Variants in SNX29 observed in about 807,000 individuals in gnomAD.
The protein encoded by SNX29 is sorting nexin 29.
In SNX29, 78 loss-of-function variants were observed where a neutral mutation model predicts 102.1. The ratio of observed to expected loss-of-function variants is 0.76; its 90% CI spans 0.64 to 0.92. SNX29 has a LOEUF of 0.92. Among genes scored for constraint, SNX29 ranks in the 40% least tolerant of loss-of-function variants. The pLI is 0.00. For synonymous variants in SNX29, 580 were observed against 414.5 expected, an observed-to-expected ratio of 1.40 and a Z score of -4.85; for missense variants, 1,280 against 1,061.7, an observed-to-expected ratio of 1.21 and a Z score of -2.86.
intron 1 of SNX29, among the ~76,000 whole-genome samples, chr16:11,989,424 T>C (rs1596536088): frequency 6.6e-6 from 1 of 152,216 alleles, no homozygotes; most frequent in East Asian, 1.9e-4. Flanking sequence ...GTCTGTCCTT[T>C]TGTCCTGGGC....
intron 18 of SNX29, among the ~76,000 whole-genome samples, chr16:12,413,001 C>T (rs554844241): frequency 1.7e-4 from 26 of 152,168 alleles, no homozygotes; most frequent in Non-Finnish European, 3.7e-4. Context: ...GAGAGCTACC[C>T]AGTGTGTTTA....
rs1484251974 is a variant in SNX29, at chr16:12,570,174, G to A, written c.*1545G>A. On this transcript the variant is annotated 3_prime_UTR_variant, in exon 21 of 21. Transcript: ENST00000566228. ...ACACACAGCGCCCCCCCACCCCAGA[G>A]AAACCGAGTCAGCCTACATGACTTC... 4 of 1,065,298 alleles carry A rather than the reference G, an allele frequency of 3.8e-6. No homozygotes were observed. The South Asian group carries it at 1.4e-4, about 36-fold the overall frequency. 66.0% of individuals were successfully genotyped at this position (1,065,298 alleles called of 1,614,324 possible). A position where few individuals can be genotyped will look rare whatever the true frequency, so the allele number is the denominator to read the frequency against.
intron 18 of SNX29, among the ~76,000 whole-genome samples, chr16:12,467,106 C>G (rs145922208): frequency 6.6e-6 from 1 of 152,144 alleles, no homozygotes; most frequent in South Asian, 2.1e-4. Flanking sequence ...GGCTTCAGTC[C>G]TTGTTTCACT....
chr16:12,371,802 T>C (rs764831290), intron 16 of SNX29, among the ~76,000 whole-genome samples: 23 of 152,238 alleles, frequency 1.5e-4, no homozygotes, highest in Non-Finnish European at 2.9e-4. Flanking sequence ...TTAAAAATAA[T>C]ATGGCAGATG....
Position 12,512,385 on chromosome 16 carries a change from T to G in SNX29, c.2179-12317T>G, listed in dbSNP as rs1205350864. On this transcript the variant is annotated intron_variant, in intron 19 of 20. Coordinates refer to ENST00000566228, the MANE Select transcript of SNX29 (RefSeq NM_032167.5). ...CCCAGGGAAAATATATATATATATA[T>G]ATATATATATATATATATATATATA... is the stretch of plus-strand genomic sequence containing the variant. Among the ~76,000 whole-genome samples, 5 of 84,160 alleles carry G rather than the reference T, an allele frequency of 5.9e-5. 1 individual carries two copies. The highest frequency in any genetic ancestry group is 6.7e-5 in the African/African-American group (1 of 14,918). 55.2% of individuals were successfully genotyped at this position (84,160 alleles called of 152,430 possible).
At chr16:12,558,812 C>G (rs1027153280) in intron 20 of SNX29, among the ~76,000 whole-genome samples, 1 of 152,180 alleles carries the variant, frequency 6.6e-6, no homozygotes, top group Non-Finnish European at 1.5e-5. Context: ...GATAAGGGCT[C>G]CCTAGGGGCA....
At chr16:12,537,637 ATAT>A (rs200690970) in intron 20 of SNX29, among the ~76,000 whole-genome samples, 2,561 of 152,292 alleles carry the variant, frequency 0.017, 37 homozygotes, top group Middle Eastern at 0.041. Context: ...GGCAGCTTAG[ATAT>A]TATTACAGTT....
At chr16:12,131,359 T>A (rs1012477885) in intron 13 of SNX29, among the ~76,000 whole-genome samples, 4 of 152,266 alleles carry the variant, frequency 2.6e-5, no homozygotes, top group Non-Finnish European at 4.4e-5. Flanking sequence ...CCAACTTACA[T>A]GCATCTTTAC....
chr16:12,061,979 G>A (rs751545313), intron 9 of SNX29, among the ~76,000 whole-genome samples: 2 of 152,140 alleles, frequency 1.3e-5, no homozygotes, highest in Non-Finnish European at 2.9e-5. Context: ...TAGTGACCAC[G>A]ATTTTGCCTC....
intron 14 of SNX29, among the ~76,000 whole-genome samples, chr16:12,217,762 C>G (rs1378172779): frequency 6.6e-6 from 1 of 152,198 alleles, no homozygotes; most frequent in Non-Finnish European, 1.5e-5. Context: ...GAATTTCATT[C>G]AACTGGAATT....
At position 12,572,237 on chromosome 16, in the gene SNX29, C is replaced by A; in HGVS notation, c.*3608C>A. On this transcript the variant is annotated 3_prime_UTR_variant, in exon 21 of 21. Transcript: ENST00000566228. ...ACCAGAGGCTCCTGAAAGTCGTTTA[C>A]ACCAGGTGGATTGATACCATGGCTG... 9.6e-7 allele frequency: 1 copy of A among 1,038,404 alleles called. No individual in the cohort carries two copies. The highest frequency in any genetic ancestry group is 1.2e-6 in the Non-Finnish European group (1 of 855,436). 64.3% of individuals were successfully genotyped at this position (1,038,404 alleles called of 1,614,324 possible). A position where few individuals can be genotyped will look rare whatever the true frequency, so the allele number is the denominator to read the frequency against.
chr16:12,268,565 A>G (rs990601836), intron 14 of SNX29, among the ~76,000 whole-genome samples: 3 of 152,132 alleles, frequency 2.0e-5, no homozygotes, highest in African/African-American at 4.8e-5. Context: ...CATCATTGGC[A>G]TCTCACCTGG....
At chr16:12,230,915 C>T (rs1188178319) in intron 14 of SNX29, among the ~76,000 whole-genome samples, 2 of 152,104 alleles carry the variant, frequency 1.3e-5, no homozygotes, top group Non-Finnish European at 2.9e-5. Context: ...GCCATGATCT[C>T]GGCTCACTGC....
At chr16:12,306,431 G>T (rs1465774685) in intron 15 of SNX29, among the ~76,000 whole-genome samples, 1 of 151,904 alleles carries the variant, frequency 6.6e-6, no homozygotes, top group African/African-American at 2.4e-5. Context: ...ATAAAACGAG[G>T]TCTGTTTAAA....
At chr16:12,541,863 A>C (rs573829576) in intron 20 of SNX29, among the ~76,000 whole-genome samples, 2 of 152,248 alleles carry the variant, frequency 1.3e-5, no homozygotes, top group Admixed American at 6.5e-5. Context: ...ATGCCTGGAA[A>C]CCAGTCAATG....
At chr16:12,291,380 G>A (rs532785852) in intron 15 of SNX29, among the ~76,000 whole-genome samples, 3 of 152,256 alleles carry the variant, frequency 2.0e-5, no homozygotes, top group African/African-American at 7.2e-5. Flanking sequence ...GTCAGATCTC[G>A]TGAGACTTGC....
chr16:12,565,996 C>T (rs950660685), intron 20 of SNX29, among the ~76,000 whole-genome samples: 2 of 152,276 alleles, frequency 1.3e-5, no homozygotes, highest in East Asian at 1.9e-4. Context: ...ACTTCTGCAC[C>T]CCTTCATGCC....
chr16:12,337,786 C>G (rs1450358311), intron 15 of SNX29, among the ~76,000 whole-genome samples: 1 of 152,132 alleles, frequency 6.6e-6, no homozygotes, highest in Non-Finnish European at 1.5e-5. Flanking sequence ...ATGGAGAAAC[C>G]CTGAGATTTT....
intron 8 of SNX29, among the ~76,000 whole-genome samples, chr16:12,061,002 G>C (rs1231195542): frequency 6.6e-6 from 1 of 152,312 alleles, no homozygotes; most frequent in African/African-American, 2.4e-5. Context: ...TCAGGTGGCT[G>C]CTGTCATTTC....
Sources: allele counts gnomAD v4.1 joint callset (sites outside exome capture counted in the v4.1 genomes callset), GRCh38; gene constraint gnomAD v4.1.1; transcripts MANE v1.5; gene names NCBI Gene and HGNC (gene_info 2026-07-23, HGNC 2026-07-21).